The following GPC5 variants were observed in gnomAD, a reference collection of about 807,000 sequenced individuals.
The protein encoded by GPC5 is glypican 5.
In GPC5, 47 loss-of-function variants were observed where a neutral mutation model predicts 53.9. The observed-to-expected ratio is 0.87, with a 90% CI of 0.69 to 1.11. The LOEUF (loss-of-function observed/expected upper bound fraction) is 1.11. GPC5 is among the 50% of genes most tolerant of loss of function. The pLI, the probability that GPC5 is intolerant of heterozygous loss-of-function variation, is 0.00. For synonymous variants in GPC5, 286 were observed against 263.3 expected (o/e 1.09, Z -0.84); for missense variants, 748 against 713.1 (o/e 1.05, Z -0.56).
At chr13:92,356,271 AAG>A (rs1234962520) in intron 7 of GPC5, among the ~76,000 whole-genome samples, 3 of 152,150 alleles carry the variant, frequency 2.0e-5, no homozygotes, top group African/African-American at 7.2e-5. Flanking sequence ...GAACCAGAGA[AAG>A]AGATGTGGGA....
intron 2 of GPC5, among the ~76,000 whole-genome samples, chr13:91,627,743 T>G (rs2034045368): frequency 6.6e-6 from 1 of 152,120 alleles, no homozygotes; most frequent in African/African-American, 2.4e-5. Context: ...AAGATGTGAT[T>G]TCATAAAATG....
At chr13:92,351,862 G>A (rs1054206758) in intron 7 of GPC5, among the ~76,000 whole-genome samples, 2 of 152,124 alleles carry the variant, frequency 1.3e-5, no homozygotes, top group African/African-American at 2.4e-5. Flanking sequence ...TCACGTTCAT[G>A]GGCAAGATGA....
chr13:91,596,195 T>C (rs1009326152), intron 2 of GPC5, among the ~76,000 whole-genome samples: 17 of 152,310 alleles, frequency 1.1e-4, no homozygotes, highest in African/African-American at 3.8e-4. Flanking sequence ...GCAATGTATC[T>C]TTTTGATATA....
rs867381003 is a variant in GPC5, at chr13:92,463,179, A to G, written c.1561+318190A>G. ...ATATCAAGATTATCCCAAGATTTGG[A>G]CCATTGATTAAAGTTTAGCAGACAA... On this transcript the variant is annotated intron_variant, in intron 7 of 7. Coordinates refer to ENST00000377067, the MANE Select transcript of GPC5 (RefSeq NM_004466.6). 5.9e-5 allele frequency among the ~76,000 whole-genome samples: 9 copies of G among 152,282 alleles called. No individual in the cohort carries two copies. In the Middle Eastern group the frequency reaches 0.014, roughly 230 times the overall value.
intron 5 of GPC5, among the ~76,000 whole-genome samples, chr13:91,799,629 G>A (rs1929922): frequency 0.36 from 54,675 of 151,920 alleles, 11,148 homozygotes; most frequent in African/African-American, 0.56. Context: ...TGGGAATATC[G>A]TAGAATCTAT....
chr13:91,628,408 C>A (rs996790341), intron 2 of GPC5, among the ~76,000 whole-genome samples: 1 of 151,964 alleles, frequency 6.6e-6, no homozygotes, highest in East Asian at 1.9e-4. Context: ...TGTCATAACT[C>A]ATGTGTTATT....
At chr13:92,772,547 C>A (rs988926614) in intron 7 of GPC5, among the ~76,000 whole-genome samples, 3 of 152,176 alleles carry the variant, frequency 2.0e-5, no homozygotes, top group Non-Finnish European at 4.4e-5. Flanking sequence ...GACTTTCTAT[C>A]CCATTTTAGT....
chr13:92,229,459 T>A (rs183535651), intron 7 of GPC5, among the ~76,000 whole-genome samples: 1 of 152,234 alleles, frequency 6.6e-6, no homozygotes, highest in African/African-American at 2.4e-5. Flanking sequence ...CTATACTTAA[T>A]ATTCCTAATA....
At chr13:92,538,618 T>A (rs548507882) in intron 7 of GPC5, among the ~76,000 whole-genome samples, 1 of 145,222 alleles carries the variant, frequency 6.9e-6, no homozygotes, top group East Asian at 2.1e-4. Flanking sequence ...CCCTTGCAAC[T>A]CACCACCCAG....
intron 3 of GPC5, among the ~76,000 whole-genome samples, chr13:91,702,639 A>T (rs1487190146): frequency 6.6e-6 from 1 of 152,038 alleles, no homozygotes; most frequent in African/African-American, 2.4e-5. Context: ...GTGGTTCCAT[A>T]CAAATTTTAG....
At chr13:91,812,942 C>T (rs561623468) in intron 5 of GPC5, among the ~76,000 whole-genome samples, 5 of 152,244 alleles carry the variant, frequency 3.3e-5, no homozygotes, top group South Asian at 4.1e-4. Flanking sequence ...AAACACAGAG[C>T]CCAAATGAAG....
intron 7 of GPC5, among the ~76,000 whole-genome samples, chr13:92,709,097 G>C (rs760256329): frequency 1.3e-5 from 2 of 151,372 alleles, no homozygotes; most frequent in Non-Finnish European, 2.9e-5. Context: ...GCCCAGGCTA[G>C]AGTGCAATGG....
chr13:92,668,968 A>G (rs931682817), intron 7 of GPC5, among the ~76,000 whole-genome samples: 53 of 152,204 alleles, frequency 3.5e-4, no homozygotes, highest in African/African-American at 1.2e-3. Flanking sequence ...AATTTATTGC[A>G]TATTTGATTC....
chr13:91,726,976 T>C (rs984338155), intron 3 of GPC5, among the ~76,000 whole-genome samples: 1 of 152,176 alleles, frequency 6.6e-6, no homozygotes, highest in Non-Finnish European at 1.5e-5. Flanking sequence ...GCCTTACCTC[T>C]TCTTGCTACA....
At position 92,359,068 on chromosome 13, in the gene GPC5, TAA is replaced by T. The variant is rs1250343266; in HGVS notation, c.1561+214080_1561+214081del. 2.6e-5 allele frequency among the ~76,000 whole-genome samples: 4 copies of T among 151,866 alleles called. 1 individual carries two copies. Among genetic ancestry groups the T allele is most frequent in the African/African-American group, 9.7e-5 (4 of 41,092 alleles). On this transcript the variant is annotated intron_variant, in intron 7 of 7. Coordinates refer to ENST00000377067, the MANE Select transcript of GPC5 (RefSeq NM_004466.6). ...GTGTGTTCTGCTTTTCTTTTAAATA[TAA>T]GTTTCAGTTTCAGATTATCTCTTTG...
intron 5 of GPC5, among the ~76,000 whole-genome samples, chr13:91,818,957 T>C (rs141608133): frequency 1.8e-4 from 27 of 151,952 alleles, no homozygotes; most frequent in African/African-American, 6.5e-4. Flanking sequence ...GTGTAAAACA[T>C]ATATGTGGCA....
At chr13:92,549,237 A>T (rs1882228042) in intron 7 of GPC5, among the ~76,000 whole-genome samples, 1 of 152,136 alleles carries the variant, frequency 6.6e-6, no homozygotes, top group Non-Finnish European at 1.5e-5. Context: ...CAAAGAAAAA[A>T]TAGGAAAGGG....
intron 7 of GPC5, among the ~76,000 whole-genome samples, chr13:92,312,813 A>T (rs2043153803): frequency 6.6e-6 from 1 of 152,154 alleles, no homozygotes; most frequent in Non-Finnish European, 1.5e-5. Flanking sequence ...CATTTTTGAA[A>T]TTTTTTTCCA....
chr13:91,942,411 G>C (rs2039935577), intron 6 of GPC5, among the ~76,000 whole-genome samples: 1 of 151,898 alleles, frequency 6.6e-6, no homozygotes, highest in African/African-American at 2.4e-5. Context: ...ACAAAAAATG[G>C]AAATCTATAC....
Sources: allele counts gnomAD v4.1 joint callset (sites outside exome capture counted in the v4.1 genomes callset), GRCh38; gene constraint gnomAD v4.1.1; transcripts MANE v1.5; gene names NCBI Gene and HGNC (gene_info 2026-07-23, HGNC 2026-07-21).